INSL3: variants seen among roughly 807,000 people sequenced by gnomAD.
The protein encoded by INSL3 is insulin-like 3.
INSL3 carries 6 observed loss-of-function variants against 5.5 expected under a neutral mutation model. The observed-to-expected ratio is 1.08, with a 90% CI of 0.59 to 2.14. The LOEUF (loss-of-function observed/expected upper bound fraction) is 2.14, where lower values mean the gene tolerates loss of function less well. INSL3 is among the 30% of genes most tolerant of loss of function. The pLI is 0.00. For synonymous variants in INSL3, 86 were observed against 82.1 expected (o/e 1.05, Z -0.26); for missense variants, 178 against 184.7 (o/e 0.96, Z 0.21).
Position 17,821,394 on chromosome 19 carries a change from A to C in INSL3, c.113T>G (p.Phe38Cys). ...GCACACGCGCACTAGCGCGCGTACGAAGTGGTGGCCGCACAACTTCTCACG... is the reference window on the plus strand; with the variant it reads ...GCACACGCGCACTAGCGCGCGTACGCAGTGGTGGCCGCACAACTTCTCACG... ...EMREKLCGHH[F>C]VRALVRVCGG... Residue 38 changes from phenylalanine (F) to cysteine (C), a missense_variant, in exon 1 of 2, where the codon TTC (phenylalanine) becomes TGC (cysteine). By Grantham distance (205) the Phe-to-Cys change is radical (BLOSUM62 -2). Transcript: ENST00000317306. 1.3e-6 allele frequency: 2 copies of C among 1,548,270 alleles called. No individual in the cohort carries two copies. The highest frequency in any genetic ancestry group is 1.7e-6 in the Non-Finnish European group (2 of 1,145,728).
In INSL3 at chr19:17,816,912, C is replaced by A. The variant is rs771215566; in HGVS notation, c.338G>T (p.Arg113Leu). Residue 113 changes from arginine (R) to leucine (L), a missense_variant, in exon 2 of 2, where the codon CGC becomes CTC. Arg to Leu is a moderately radical substitution (Grantham distance 102, BLOSUM62 -2). Coordinates refer to ENST00000317306, the MANE Select transcript of INSL3 (RefSeq NM_005543.4). ...GGTACAGCCACTGAGGCAGCAGTAG[C>A]GTGCAGGGTTGGTGGCAGCTGCACG... is the stretch of plus-strand genomic sequence containing the variant. ...HHRAAATNPA[R>L]YCCLSGCTQQ... The A allele has an allele frequency of 1.1e-5, 17 of 1,613,938 alleles. No individual in the cohort carries two copies. The highest frequency in any genetic ancestry group is 2.2e-5 in the East Asian group (1 of 44,886).
At chr19:17,819,759 G>A (rs945762210) in intron 1 of INSL3, among the ~76,000 whole-genome samples, 3 of 151,246 alleles carry the variant, frequency 2.0e-5, no homozygotes, top group African/African-American at 4.9e-5. Flanking sequence ...GGAGAATGGC[G>A]TGAAGCCGGG....
At chr19:17,821,013 G>T (rs2094194712) in intron 1 of INSL3, among the ~76,000 whole-genome samples, 4 of 151,980 alleles carry the variant, frequency 2.6e-5, no homozygotes, top group Admixed American at 2.6e-4. Flanking sequence ...TAGAGATGGG[G>T]TTTCACCATT....
intron 1 of INSL3, among the ~76,000 whole-genome samples, chr19:17,819,647 C>T (rs1321741911): frequency 1.3e-5 from 2 of 152,002 alleles, no homozygotes; most frequent in African/African-American, 4.8e-5. Context: ...TGAGACCATC[C>T]TTGCTAACAT....
Position 17,821,496 on chromosome 19 carries a change from C to CG in INSL3, c.10dup (p.Arg4ProfsTer28), listed in dbSNP as rs1203778513. ...CAGCACCAGCGCCCAGGCGGGCAGA[C>CG]GGGGGTCCATGGTGGTGGGTGGCGC... On this transcript the variant is annotated frameshift_variant, in exon 1 of 2. Transcript: ENST00000317306. LOFTEE classifies it high-confidence loss of function. 3.5e-5 allele frequency: 52 copies of CG among 1,493,726 alleles called. No homozygotes were observed. Among genetic ancestry groups the CG allele is most frequent in the Non-Finnish European group, 4.6e-5 (51 of 1,118,076 alleles). The allele number at this position is 1,493,726 out of a possible 1,614,324, so 92.5% of individuals were successfully genotyped here. A position where few individuals can be genotyped will look rare whatever the true frequency, so the allele number is the denominator to read the frequency against.
chr19:17,819,091 T>C (rs1351640224), intron 1 of INSL3, among the ~76,000 whole-genome samples: 2 of 150,854 alleles, frequency 1.3e-5, no homozygotes, highest in Admixed American at 6.6e-5. Flanking sequence ...GCCAGGCTGG[T>C]CTCACCAGCC....
Position 17,821,385 on chromosome 19 carries a change from G to A in INSL3, c.122C>T (p.Ala41Val), listed in dbSNP as rs1284590498. The change falls in exon 1 of 2, where the codon GCG (alanine) becomes GTG (valine). Residue 41 changes from alanine to valine, a missense_variant. Ala to Val is a moderately conservative substitution (Grantham distance 64). Transcript: ENST00000317306. ...GGGGCCCCCGCACACGCGCACTAGC[G>A]CGCGTACGAAGTGGTGGCCGCACAA... Reference protein sequence around the residue: ...EKLCGHHFVRALVRVCGGPRW... With the variant: ...EKLCGHHFVRVLVRVCGGPRW... 1.3e-6 allele frequency: 2 copies of A among 1,548,410 alleles called. No homozygotes were observed. Among genetic ancestry groups the A allele is most frequent in the Non-Finnish European group, 8.7e-7 (1 of 1,145,960 alleles).
In INSL3 at chr19:17,816,764, C is replaced by T. The variant is rs140826514; in HGVS notation, c.*90G>A. 173 of 1,304,554 alleles carry T rather than the reference C, an allele frequency of 1.3e-4. No individual in the cohort carries two copies. The highest frequency in any genetic ancestry group is 1.7e-4 in the Non-Finnish European group (156 of 912,356). The allele number at this position is 1,304,554 out of a possible 1,614,324, so 80.8% of individuals were successfully genotyped here. ...GGAGGTAATCAAAGGCCTGTAGATGCGAGACTTTATGGTGCTGTGTGGCCT... is the reference window on the plus strand; with the variant it reads ...GGAGGTAATCAAAGGCCTGTAGATGTGAGACTTTATGGTGCTGTGTGGCCT... On this transcript the variant is annotated 3_prime_UTR_variant, in exon 2 of 2. Transcript: ENST00000317306.
At chr19:17,818,898 T>C (rs1335046180) in intron 1 of INSL3, among the ~76,000 whole-genome samples, 6 of 151,568 alleles carry the variant, frequency 4.0e-5, no homozygotes, top group Admixed American at 2.6e-4. Flanking sequence ...TTTTTTGAGA[T>C]GGAGTCTCGC....
chr19:17,820,644 T>TGA (rs1346018908), intron 1 of INSL3, among the ~76,000 whole-genome samples: 1 of 151,684 alleles, frequency 6.6e-6, no homozygotes, highest in Non-Finnish European at 1.5e-5. Flanking sequence ...GGCGTCAGAG[T>TGA]GAGACCCTGT....
Position 17,816,579 on chromosome 19 carries a change from G to A in INSL3, c.*275C>T, listed in dbSNP as rs1475971378. On this transcript the variant is annotated 3_prime_UTR_variant, in exon 2 of 2. Coordinates refer to ENST00000317306, the MANE Select transcript of INSL3 (RefSeq NM_005543.4). ...GTGTTACACATGCAGGGAGCGGAGCGTCTGGGGCTCCCCTGGAGTGAGGAC... is the reference window on the plus strand; with the variant it reads ...GTGTTACACATGCAGGGAGCGGAGCATCTGGGGCTCCCCTGGAGTGAGGAC... The A allele has an allele frequency of 1.1e-5, 6 of 532,498 alleles. No homozygotes were observed. The highest frequency in any genetic ancestry group is 4.1e-5 in the South Asian group (2 of 48,680). 33.0% of individuals were successfully genotyped at this position (532,498 alleles called of 1,614,324 possible).
In INSL3 at chr19:17,817,795, C is replaced by CAAAAA. The variant is rs58956953; in HGVS notation, c.191-741_191-737dup. On this transcript the variant is annotated intron_variant, in intron 1 of 1. Transcript: ENST00000317306. ...AGGTGACAAGAATGAAACTCCATCTCAAAAAAAAAAAAAAAAAAAAAAAGC... is the reference window on the plus strand; with the variant it reads ...AGGTGACAAGAATGAAACTCCATCTCAAAAAAAAAAAAAAAAAAAAAAAAAAAAGC... Among the ~76,000 whole-genome samples the CAAAAA allele has an allele frequency of 6.9e-3, 278 of 40,298 alleles. 53 individuals carry two copies. The highest frequency in any genetic ancestry group is 0.024 in the African/African-American group (242 of 10,054). The allele number at this position is 40,298 out of a possible 152,430, so 26.4% of individuals were successfully genotyped here.
At chr19:17,821,046 C>A (rs1211092516) in intron 1 of INSL3, among the ~76,000 whole-genome samples, 2 of 152,102 alleles carry the variant, frequency 1.3e-5, no homozygotes, top group Non-Finnish European at 1.5e-5. Flanking sequence ...GTCTCGAACT[C>A]CTGACCTCTG....
rs564086219 is a variant in INSL3 at position 17,818,156 on chromosome 19, C to T, written c.191-1097G>A. Among the ~76,000 whole-genome samples, 6 of 152,216 alleles carry T rather than the reference C, an allele frequency of 3.9e-5. No individual in the cohort carries two copies. The East Asian group carries it at 5.8e-4, about 15-fold the overall frequency. On this transcript the variant is annotated intron_variant, in intron 1 of 1. Coordinates refer to ENST00000317306, the MANE Select transcript of INSL3 (RefSeq NM_005543.4). ...ACCCACAGACACACACACACCCCTA[C>T]GAGGACACACCCTTGCAGACCACCT...
chr19:17,817,795 CAAA>C (rs58956953), intron 1 of INSL3, among the ~76,000 whole-genome samples: 82 of 40,316 alleles, frequency 2.0e-3, no homozygotes, highest in African/African-American at 7.6e-3. Flanking sequence ...AACTCCATCT[CAAA>C]AAAAAAAAAA....
chr19:17,820,837 G>A (rs1243271420), intron 1 of INSL3, among the ~76,000 whole-genome samples: 15 of 148,556 alleles, frequency 1.0e-4, no homozygotes, highest in South Asian at 4.3e-4. Flanking sequence ...TTTTTGAGAC[G>A]GAGTTTCACT....
At position 17,821,448 on chromosome 19, in the gene INSL3, G is replaced by T; in HGVS notation, c.59C>A (p.Ala20Glu). ...CTCTGGGGTGGGCGCGGGGCCCAAC[G>T]CGAACACCAGGGCAGGGCCCAGCAG... ...LVLLGPALVF[A>E]LGPAPTPEMR... The change falls in exon 1 of 2, where the codon GCG becomes GAG. Residue 20 changes from alanine (A) to glutamate (E), a missense_variant. Physicochemically the swap from Ala to Glu is moderately radical, Grantham distance 107. Transcript: ENST00000317306. 6.5e-7 allele frequency: 1 copy of T among 1,541,784 alleles called. No homozygotes were observed. The highest frequency in any genetic ancestry group is 8.8e-7 in the Non-Finnish European group (1 of 1,141,082).
In INSL3 at chr19:17,821,400, T is replaced by C. The variant is rs1378417284; in HGVS notation, c.107A>G (p.His36Arg). 6.5e-7 allele frequency: 1 copy of C among 1,547,976 alleles called. No homozygotes were observed. The highest frequency in any genetic ancestry group is 1.4e-5 in the African/African-American group (1 of 72,944). Reference sequence around the variant, plus strand: ...GCGCACTAGCGCGCGTACGAAGTGGTGGCCGCACAACTTCTCACGCATCTC... The same window carrying C: ...GCGCACTAGCGCGCGTACGAAGTGGCGGCCGCACAACTTCTCACGCATCTC... ...TPEMREKLCG[H>R]HFVRALVRVC... Residue 36 changes from histidine (H) to arginine (R), a missense_variant, in exon 1 of 2, where the codon CAC (histidine) becomes CGC (arginine). His to Arg is a conservative substitution (Grantham distance 29). Coordinates refer to ENST00000317306, the MANE Select transcript of INSL3 (RefSeq NM_005543.4).
intron 1 of INSL3, among the ~76,000 whole-genome samples, chr19:17,821,112 C>G (rs765980504): frequency 6.6e-6 from 1 of 152,198 alleles, no homozygotes; most frequent in Non-Finnish European, 1.5e-5. Context: ...TGAGCCACCA[C>G]GCCTGGCTAA....
Sources: allele counts gnomAD v4.1 joint callset (sites outside exome capture counted in the v4.1 genomes callset), GRCh38; gene constraint gnomAD v4.1.1; transcripts MANE v1.5; gene names NCBI Gene and HGNC (gene_info 2026-07-23, HGNC 2026-07-21).